The following KAZN variants were observed in gnomAD, a reference collection of about 807,000 sequenced individuals.
KAZN encodes kazrin.
In KAZN, 40 loss-of-function variants were observed where a neutral mutation model predicts 87.4. That is an observed-to-expected ratio of 0.46 (90% CI 0.36 to 0.60). KAZN has a LOEUF of 0.60. Ranked by LOEUF, KAZN falls within the 20% of genes least tolerant of loss-of-function variation. The pLI is 0.00. For missense variants in KAZN, 898 were observed against 1,073.9 expected, an observed-to-expected ratio of 0.84 and a Z score of 2.29; for synonymous variants, 466 against 458.3, an observed-to-expected ratio of 1.02 and a Z score of -0.22.
chr1:14,387,987 C>T (rs1662084032), intron 2 of KAZN, among the ~76,000 whole-genome samples: 1 of 152,238 alleles, frequency 6.6e-6, no homozygotes, highest in Admixed American at 6.5e-5. Flanking sequence ...GTAGGACCCT[C>T]CGATCCAGGT....
intron 1 of KAZN, among the ~76,000 whole-genome samples, chr1:14,065,874 A>C (rs575542384): frequency 1.3e-5 from 2 of 152,184 alleles, no homozygotes; most frequent in African/African-American, 4.8e-5. Context: ...TGAATTGTAT[A>C]AAATTCATGA....
intron 2 of KAZN, among the ~76,000 whole-genome samples, chr1:14,999,483 A>G (rs1490019884): frequency 7.0e-6 from 1 of 142,688 alleles, no homozygotes; most frequent in East Asian, 2.1e-4. Context: ...GTTCAGCCCC[A>G]GGCATTGCCT....
chr1:14,068,404 G>A (rs962456711), intron 1 of KAZN, among the ~76,000 whole-genome samples: 16 of 152,164 alleles, frequency 1.1e-4, no homozygotes, highest in Non-Finnish European at 4.4e-5. Flanking sequence ...TACCTGGTAA[G>A]CTGTCTCTGA....
intron 1 of KAZN, among the ~76,000 whole-genome samples, chr1:14,899,620 T>C (rs970406697): frequency 5.3e-5 from 8 of 152,146 alleles, no homozygotes; most frequent in African/African-American, 1.9e-4. Context: ...AAAAGTGCAG[T>C]ATTCTAGCCA....
intron 1 of KAZN, among the ~76,000 whole-genome samples, chr1:14,702,785 G>T (rs960902630): frequency 3.9e-5 from 6 of 152,150 alleles, no homozygotes; most frequent in Non-Finnish European, 8.8e-5. Flanking sequence ...AGTGTTTAAC[G>T]TGTGCCTTTG....
intron 1 of KAZN, among the ~76,000 whole-genome samples, chr1:14,693,604 C>T (rs1488356993): frequency 6.6e-6 from 1 of 152,200 alleles, no homozygotes; most frequent in African/African-American, 2.4e-5. Flanking sequence ...TTACCCTTGA[C>T]CTTCCCTCTT....
chr1:15,083,516 T>C (rs954189514), intron 8 of KAZN, among the ~76,000 whole-genome samples: 5 of 152,168 alleles, frequency 3.3e-5, no homozygotes, highest in African/African-American at 1.2e-4. Context: ...TCTCTGGTCA[T>C]AGAATGAATA....
intron 1 of KAZN, among the ~76,000 whole-genome samples, chr1:14,641,961 ACTC>A (rs1680437815): frequency 6.6e-6 from 1 of 152,262 alleles, no homozygotes; most frequent in African/African-American, 2.4e-5. Flanking sequence ...GAATTCTCAA[ACTC>A]AGACATCAAG....
At chr1:13,914,833 G>C (rs1639783673) in intron 1 of KAZN, among the ~76,000 whole-genome samples, 3 of 152,182 alleles carry the variant, frequency 2.0e-5, no homozygotes, top group South Asian at 2.1e-4. Flanking sequence ...ACCTCAGTGA[G>C]ACAGCTGCAA....
chr1:14,051,238 A>T (rs925197858), intron 1 of KAZN, among the ~76,000 whole-genome samples: 2 of 152,186 alleles, frequency 1.3e-5, no homozygotes, highest in Admixed American at 1.3e-4. Context: ...AAGGAATTTT[A>T]TTAGATATCA....
chr1:14,799,114 C>T (rs1386238633), intron 1 of KAZN, among the ~76,000 whole-genome samples: 1 of 152,160 alleles, frequency 6.6e-6, no homozygotes, highest in Non-Finnish European at 1.5e-5. Context: ...AACAGAGACC[C>T]AGTAAGACAT....
chr1:15,082,323 A>G (rs1640041221), intron 8 of KAZN, among the ~76,000 whole-genome samples: 1 of 152,106 alleles, frequency 6.6e-6, no homozygotes, highest in South Asian at 2.1e-4. Flanking sequence ...AAGCTTTTCT[A>G]TCAGGCTCCA....
intron 2 of KAZN, among the ~76,000 whole-genome samples, chr1:14,407,423 G>C (rs560027241): frequency 2.0e-4 from 30 of 152,334 alleles, no homozygotes; most frequent in African/African-American, 6.5e-4. Flanking sequence ...ACAGGCAAAA[G>C]AATCTTGTGG....
Position 14,769,453 on chromosome 1 carries a change from C to T in KAZN, c.226+170230C>T, listed in dbSNP as rs1644966717. Among the ~76,000 whole-genome samples, 1 of 152,172 alleles carries T rather than the reference C, an allele frequency of 6.6e-6. No homozygotes were observed. The highest frequency in any genetic ancestry group is 6.5e-5 in the Admixed American group (1 of 15,280). On this transcript the variant is annotated intron_variant, in intron 1 of 14. Coordinates refer to ENST00000376030, the MANE Select transcript of KAZN (RefSeq NM_201628.3). This position sits in a 1 kb window ranked among gnomAD's most constrained non-coding sequence, Gnocchi z 4.1. Reference sequence around the variant, plus strand: ...CACTGCAACCTCTGCCTCCCGGGTTCAAGCGATTCTCGTGCCTCATTCTCC... The same window carrying T: ...CACTGCAACCTCTGCCTCCCGGGTTTAAGCGATTCTCGTGCCTCATTCTCC...
intron 1 of KAZN, among the ~76,000 whole-genome samples, chr1:14,772,258 G>T (rs1645040243): frequency 6.6e-6 from 1 of 152,130 alleles, no homozygotes; most frequent in Non-Finnish European, 1.5e-5. Flanking sequence ...CGAGGCAGGA[G>T]GATCGCTTGA....
chr1:15,079,814 A>G (rs1431909420), intron 8 of KAZN, among the ~76,000 whole-genome samples: 2 of 152,206 alleles, frequency 1.3e-5, no homozygotes, highest in Non-Finnish European at 2.9e-5. Flanking sequence ...CTTGCAATTG[A>G]GACTATAAGA....
intron 1 of KAZN, among the ~76,000 whole-genome samples, chr1:14,684,279 A>T (rs1160416114): frequency 6.6e-6 from 1 of 152,264 alleles, no homozygotes; most frequent in East Asian, 1.9e-4. Context: ...GGCAGAGGAT[A>T]CTTGATTGGT....
chr1:13,902,744 A>G (rs564037672), intron 1 of KAZN, among the ~76,000 whole-genome samples: 3 of 152,252 alleles, frequency 2.0e-5, no homozygotes, highest in Non-Finnish European at 4.4e-5. Context: ...ATTTCTCCCT[A>G]TTACCCTGAT....
chr1:14,283,400 A>T (rs906518512), intron 2 of KAZN, among the ~76,000 whole-genome samples: 1 of 152,228 alleles, frequency 6.6e-6, no homozygotes, highest in Non-Finnish European at 1.5e-5. Flanking sequence ...ATGAAGAGGA[A>T]ATAACTCCAC....
Sources: allele counts gnomAD v4.1 joint callset (sites outside exome capture counted in the v4.1 genomes callset), GRCh38; gene constraint gnomAD v4.1.1; non-coding constraint Gnocchi (gnomAD v3.1); transcripts MANE v1.5; gene names NCBI Gene and HGNC (gene_info 2026-07-23, HGNC 2026-07-21).